The following VWA8 variants were observed in gnomAD, a reference collection of about 807,000 sequenced individuals.
VWA8 encodes von Willebrand factor A domain-containing protein 8.
Under a neutral mutation model 241.5 loss-of-function variants are expected in VWA8, and 221 were observed. The ratio of observed to expected loss-of-function variants is 0.91; its 90% CI spans 0.82 to 1.02. The LOEUF (loss-of-function observed/expected upper bound fraction) is 1.02, where lower values mean the gene tolerates loss of function less well. Among genes scored for constraint, VWA8 ranks in the 50% least tolerant of loss-of-function variants. The pLI is 0.00. For missense variants in VWA8, 2,322 were observed against 2,328.7 expected, an observed-to-expected ratio of 1.00 and a Z score of 0.06; for synonymous variants, 852 against 827.1, an observed-to-expected ratio of 1.03 and a Z score of -0.52.
chr13:41,716,866 A>C (rs2045350896), intron 26 of VWA8, among the ~76,000 whole-genome samples: 1 of 152,034 alleles, frequency 6.6e-6, no homozygotes, highest in Non-Finnish European at 1.5e-5. Context: ...GAAGCAGCCT[A>C]CAAGAACTGG....
chr13:41,766,573 T>C (rs190523828), intron 20 of VWA8, among the ~76,000 whole-genome samples: 6 of 152,338 alleles, frequency 3.9e-5, no homozygotes, highest in African/African-American at 1.4e-4. Context: ...TCCATATCCA[T>C]ATCTTTGCTT....
At chr13:41,605,084 G>T in intron 40 of VWA8, 84 bp downstream of exon 40, 1 of 1,357,566 alleles carries the variant, frequency 7.4e-7, no homozygotes, top group Non-Finnish European at 1.0e-6. Flanking sequence ...GCTAATTAGG[G>T]TTCAGATAAT....
intron 40 of VWA8, among the ~76,000 whole-genome samples, chr13:41,604,419 T>C (rs573204210): frequency 6.6e-6 from 1 of 152,260 alleles, no homozygotes; most frequent in East Asian, 1.9e-4. Context: ...GACAGAACTT[T>C]TATTAATCTC....
At position 41,868,480 on chromosome 13, in the gene VWA8, G is replaced by A; in HGVS notation, c.1081-3C>T. On this transcript the variant is annotated splice_polypyrimidine_tract_variant and splice_region_variant and intron_variant, in intron 9 of 44. Transcript: ENST00000379310. Reference sequence around the variant, plus strand: ...CCTGAATCTTGAAGTTCAAAGCGCTGTAAAATTACAAGAAAATCATGCAAT... The same window carrying A: ...CCTGAATCTTGAAGTTCAAAGCGCTATAAAATTACAAGAAAATCATGCAAT... The A allele has an allele frequency of 6.2e-7, 1 of 1,608,212 alleles. No individual in the cohort carries two copies. Among genetic ancestry groups the A allele is most frequent in the Non-Finnish European group, 8.5e-7 (1 of 1,177,680 alleles).
At chr13:41,744,447 T>C (rs2045589197) in intron 21 of VWA8, among the ~76,000 whole-genome samples, 1 of 152,240 alleles carries the variant, frequency 6.6e-6, no homozygotes. Flanking sequence ...AAGGAAGTTG[T>C]GAACTGAACA....
chr13:41,893,462 T>TAA (rs36122223), intron 4 of VWA8, among the ~76,000 whole-genome samples: 47 of 131,968 alleles, frequency 3.6e-4, no homozygotes, highest in Admixed American at 1.6e-3. Context: ...AAGCTTTATT[T>TAA]AAAAAAAAAA....
In VWA8 at chr13:41,614,911, T is replaced by A. The variant is rs545382259; in HGVS notation, c.4720+65A>T. On this transcript the variant is annotated intron_variant, in intron 38 of 44. Transcript: ENST00000379310. Reference sequence around the variant, plus strand: ...TCTCTGAGTCTTCTCAGGGGCGATGTGCTGGCCTAATGGGCTTGGGAAACC... The same window carrying A: ...TCTCTGAGTCTTCTCAGGGGCGATGAGCTGGCCTAATGGGCTTGGGAAACC... 47 of 1,508,106 alleles carry A rather than the reference T, an allele frequency of 3.1e-5. No homozygotes were observed. In the African/African-American group the frequency reaches 6.0e-4, roughly 19 times the overall value. The allele number at this position is 1,508,106 out of a possible 1,614,324, so 93.4% of individuals were successfully genotyped here. A position where few individuals can be genotyped will look rare whatever the true frequency, so the allele number is the denominator to read the frequency against.
chr13:41,639,169 T>TC (rs1324666433), intron 37 of VWA8, among the ~76,000 whole-genome samples: 36 of 152,198 alleles, frequency 2.4e-4, no homozygotes, highest in African/African-American at 7.7e-4. Context: ...CTTTTTTTTT[T>TC]TTGGCTCAGA....
At chr13:41,748,217 C>A (rs534944985) in intron 21 of VWA8, among the ~76,000 whole-genome samples, 1 of 152,286 alleles carries the variant, frequency 6.6e-6, no homozygotes, top group Admixed American at 6.5e-5. Context: ...GGCTGTGAAT[C>A]CATCTGGTCC....
chr13:41,729,842 CAT>C (rs2045468665), intron 22 of VWA8, among the ~76,000 whole-genome samples, 165 bp from the exon 23 acceptor site: 1 of 147,840 alleles, frequency 6.8e-6, no homozygotes, highest in Non-Finnish European at 1.5e-5. Context: ...CACACACACA[CAT>C]CTATAGCAGA....
rs550131742 is a variant in VWA8 at position 41,848,737 on chromosome 13, A to T, written c.1426-15206T>A. On this transcript the variant is annotated intron_variant, in intron 12 of 44. Coordinates refer to ENST00000379310, the MANE Select transcript of VWA8 (RefSeq NM_015058.2). ...TAACTAGTCTTGGGTATTTCTTCAT[A>T]GCACTGACAGAACAGACTAATACAC... Among the ~76,000 whole-genome samples, 99 of 152,308 alleles carry T rather than the reference A, an allele frequency of 6.5e-4. 1 individual carries two copies. Among genetic ancestry groups the T allele is most frequent in the Admixed American group, 1.2e-3 (19 of 15,298 alleles).
Position 41,957,257 on chromosome 13 carries a change from G to C in VWA8, c.163+3596C>G, listed in dbSNP as rs377108162. On this transcript the variant is annotated intron_variant, in intron 1 of 44. Transcript: ENST00000379310. ...TCTCGTGGTAGTGAAAAAGTCTCAC[G>C]AGGTCTGATGGTTCTATAAAGGGGA... Among the ~76,000 whole-genome samples the C allele has an allele frequency of 1.4e-3, 218 of 152,268 alleles. 1 individual carries two copies. The highest frequency in any genetic ancestry group is 5.1e-3 in the African/African-American group (211 of 41,538).
rs148164180 is a variant in VWA8, at chr13:41,658,813, T to C, written c.4611+12133A>G. Among the ~76,000 whole-genome samples the C allele has an allele frequency of 2.4e-3, 365 of 152,324 alleles. 1 individual carries two copies. Among genetic ancestry groups the C allele is most frequent in the South Asian group, 5.0e-3 (24 of 4,822 alleles). On this transcript the variant is annotated intron_variant, in intron 37 of 44. Coordinates refer to ENST00000379310, the MANE Select transcript of VWA8 (RefSeq NM_015058.2). Reference sequence around the variant, plus strand: ...CATTGGTGGTTCAGTTCTTGGGCTATAGGTCGTGGAGGAAATACATGGGCT... The same window carrying C: ...CATTGGTGGTTCAGTTCTTGGGCTACAGGTCGTGGAGGAAATACATGGGCT...
intron 21 of VWA8, among the ~76,000 whole-genome samples, chr13:41,758,208 A>G (rs1312287891): frequency 6.6e-6 from 1 of 151,002 alleles, no homozygotes; most frequent in Admixed American, 6.6e-5. Context: ...AGTTAGAAGT[A>G]TTTGAAGAAA....
At chr13:41,695,771 G>GC (rs1489370183) in intron 29 of VWA8, among the ~76,000 whole-genome samples, 9 of 152,098 alleles carry the variant, frequency 5.9e-5, no homozygotes, top group Non-Finnish European at 1.0e-4. Flanking sequence ...CAAGATGCTG[G>GC]CTATGGAAGT....
chr13:41,835,622 G>C (rs1036715929), intron 12 of VWA8, among the ~76,000 whole-genome samples: 16 of 151,934 alleles, frequency 1.1e-4, no homozygotes, highest in African/African-American at 3.6e-4. Context: ...ACACCAAAGG[G>C]ATCGCTCTCT....
chr13:41,920,115 T>G (rs1163799244), intron 2 of VWA8, among the ~76,000 whole-genome samples: 3 of 152,168 alleles, frequency 2.0e-5, no homozygotes, highest in Non-Finnish European at 4.4e-5. Context: ...TGCACCTGGC[T>G]GCACAGAACC....
chr13:41,826,642 G>A (rs1460084766), intron 14 of VWA8, among the ~76,000 whole-genome samples: 3 of 152,128 alleles, frequency 2.0e-5, no homozygotes. Flanking sequence ...GGCCAAGGCA[G>A]GAGGATCCCT....
intron 1 of VWA8, among the ~76,000 whole-genome samples, chr13:41,957,678 T>C (rs77888124): frequency 0.044 from 6,640 of 152,260 alleles, 171 homozygotes; most frequent in East Asian, 0.12. Context: ...TTGATAATTA[T>C]AAATTTGGGT....
Sources: allele counts gnomAD v4.1 joint callset (sites outside exome capture counted in the v4.1 genomes callset), GRCh38; gene constraint gnomAD v4.1.1; transcripts MANE v1.5; gene names NCBI Gene and HGNC (gene_info 2026-07-23, HGNC 2026-07-21).